The following RANBP10 variants were observed in gnomAD, a reference collection of about 807,000 sequenced individuals.
The protein encoded by RANBP10 is ran-binding protein 10.
RANBP10 carries 24 observed loss-of-function variants against 72.8 expected under a neutral mutation model. The observed-to-expected ratio is 0.33, with a 90% CI of 0.24 to 0.46. The LOEUF is 0.46. RANBP10 is among the 20% of genes least tolerant of loss of function. The pLI, the probability that RANBP10 is intolerant of heterozygous loss-of-function variation, is 1.00. For synonymous variants in RANBP10, 310 were observed against 322.3 expected (o/e 0.96, Z 0.41); for missense variants, 679 against 817.5 (o/e 0.83, Z 2.07).
At position 67,744,280 on chromosome 16, in the gene RANBP10, G is replaced by GCA. The variant is rs1160995766; in HGVS notation, c.568+6_568+7dup. On this transcript the variant is annotated splice_region_variant and intron_variant, in intron 4 of 13. Transcript: ENST00000317506. ...GAGCAGAGCCTCCAAGGTCCCTTAT[G>GCA]CACACACCAAGGCTGTGGCCATTCT... 2 of 1,613,164 alleles carry GCA rather than the reference G, an allele frequency of 1.2e-6. No homozygotes were observed. The highest frequency in any genetic ancestry group is 3.3e-5 in the Admixed American group (2 of 59,984).
chr16:67,771,951 C>T lies in RANBP10; in HGVS notation c.400+83G>A. 1.1e-5 allele frequency: 17 copies of T among 1,510,030 alleles called. 1 individual carries two copies. The South Asian group carries it at 2.1e-4, about 18-fold the overall frequency. The allele number at this position is 1,510,030 out of a possible 1,614,324, so 93.5% of individuals were successfully genotyped here. On this transcript the variant is annotated intron_variant, in intron 3 of 13. Transcript: ENST00000317506. ...AGGCAGCTAGCAAACAAAGTCCTCC[C>T]CAGCCTCTCTGCTACCACCATGACT...
Position 67,723,158 on chromosome 16 carries a change from T to C in RANBP10, c.*3270A>G, listed in dbSNP as rs1218258359. 6.6e-6 allele frequency: 1 copy of C among 152,510 alleles called. No individual in the cohort carries two copies. Among genetic ancestry groups the C allele is most frequent in the Non-Finnish European group, 1.5e-5 (1 of 68,022 alleles). 9.4% of individuals were successfully genotyped at this position (152,510 alleles called of 1,614,324 possible). A position where few individuals can be genotyped will look rare whatever the true frequency, so the allele number is the denominator to read the frequency against. ...TCTCTCAAGTACAATTTTAATAAGA[T>C]GTTTTGTGTTAGAGTTCTCTCTCCA... On this transcript the variant is annotated 3_prime_UTR_variant, in exon 14 of 14. Coordinates refer to ENST00000317506, the MANE Select transcript of RANBP10 (RefSeq NM_020850.3).
At chr16:67,731,638 C>T (rs2053735474) in intron 6 of RANBP10, 54 bp from the exon 7 acceptor site, 24 of 1,369,652 alleles carry the variant, frequency 1.8e-5, no homozygotes, top group Non-Finnish European at 2.4e-5. Context: ...TTCTCACTGA[C>T]TACCCAATGG....
intron 3 of RANBP10, among the ~76,000 whole-genome samples, chr16:67,746,218 G>A (rs9923003): frequency 0.3 from 44,815 of 151,232 alleles, 10,083 homozygotes; most frequent in African/African-American, 0.63. Context: ...ATGGTGGCTC[G>A]CACCTGTAAT....
chr16:67,778,225 T>G (rs1418634582), intron 2 of RANBP10, among the ~76,000 whole-genome samples: 2 of 152,170 alleles, frequency 1.3e-5, no homozygotes, highest in Non-Finnish European at 2.9e-5. Flanking sequence ...GGCGCATGCC[T>G]GTAATCACAG....
At chr16:67,747,049 C>T (rs1477361799) in intron 3 of RANBP10, among the ~76,000 whole-genome samples, 1 of 152,178 alleles carries the variant, frequency 6.6e-6, no homozygotes, top group African/African-American at 2.4e-5. Flanking sequence ...TAAATACTTA[C>T]AAGTGGTATT....
At chr16:67,742,602 A>G (rs2143005422) in intron 4 of RANBP10, among the ~76,000 whole-genome samples, 1 of 152,300 alleles carries the variant, frequency 6.6e-6, no homozygotes, top group East Asian at 1.9e-4. Flanking sequence ...TGACTGACAA[A>G]GAGTTCATGG....
chr16:67,726,360 A>G lies in RANBP10; in HGVS notation c.*68T>C, dbSNP rs1275826030. 1.2e-6 allele frequency: 2 copies of G among 1,601,440 alleles called. No individual in the cohort carries two copies. The highest frequency in any genetic ancestry group is 1.7e-6 in the Non-Finnish European group (2 of 1,174,882). ...TTCCCAGTCCCTGCACCAGTTGCCT[A>G]TGGAGGGCAGGGCAGCTCCAGCCCT... On this transcript the variant is annotated 3_prime_UTR_variant, in exon 14 of 14. Transcript: ENST00000317506.
intron 2 of RANBP10, among the ~76,000 whole-genome samples, chr16:67,775,120 T>A (rs1264967625): frequency 6.6e-6 from 1 of 152,122 alleles, no homozygotes; most frequent in Non-Finnish European, 1.5e-5. Flanking sequence ...GAGACCAGCC[T>A]GGCCAACATG....
chr16:67,741,225 G>A (rs1244698452), intron 4 of RANBP10, among the ~76,000 whole-genome samples: 2 of 152,184 alleles, frequency 1.3e-5, no homozygotes, highest in Non-Finnish European at 2.9e-5. Flanking sequence ...CACAGGGTGA[G>A]GCAACTGCCA....
At chr16:67,782,027 A>T (rs1411890506) in intron 2 of RANBP10, among the ~76,000 whole-genome samples, 1 of 152,218 alleles carries the variant, frequency 6.6e-6, no homozygotes, top group African/African-American at 2.4e-5. Flanking sequence ...CCCTGCAGTC[A>T]TGTGGAGAGC....
At position 67,772,065 on chromosome 16, in the gene RANBP10, C is replaced by A. The variant is rs553584804; in HGVS notation, c.369G>T (p.Ser123=). 3.3e-5 allele frequency: 52 copies of A among 1,599,018 alleles called. No individual in the cohort carries two copies. Among genetic ancestry groups the A allele is most frequent in the Non-Finnish European group, 4.4e-5 (52 of 1,175,722 alleles). ...GRDGYMGIGL[S]AQGVNMNRLP... The stretch of plus-strand genomic sequence containing the variant: ...GTCTGTTCATGTTGACGCCTTGAGC[C>A]GAGAGTCCTATTCCCATGTAACTTC... The change falls in exon 3 of 14, where the codon TCG becomes TCT. Residue 123 remains serine (S), a synonymous_variant. Coordinates refer to ENST00000317506, the MANE Select transcript of RANBP10 (RefSeq NM_020850.3).
At chr16:67,776,895 C>T (rs976066507) in intron 2 of RANBP10, among the ~76,000 whole-genome samples, 3 of 151,940 alleles carry the variant, frequency 2.0e-5, no homozygotes, top group Non-Finnish European at 4.4e-5. Flanking sequence ...GAAAACAATT[C>T]CATTTCCAAT....
chr16:67,784,818 TA>T (rs1174073904), intron 2 of RANBP10, among the ~76,000 whole-genome samples: 269 of 120,316 alleles, frequency 2.2e-3, no homozygotes, highest in Admixed American at 2.9e-3. Flanking sequence ...AAACTCCATC[TA>T]AAAAAAAAAA....
chr16:67,765,468 G>A (rs1010895535), intron 3 of RANBP10, among the ~76,000 whole-genome samples: 6 of 152,020 alleles, frequency 3.9e-5, no homozygotes, highest in Admixed American at 2.0e-4. Context: ...GAAGGTTGCC[G>A]ATGAGCCGAG....
chr16:67,786,695 AG>A (rs2054922933), intron 2 of RANBP10, among the ~76,000 whole-genome samples: 1 of 152,228 alleles, frequency 6.6e-6, no homozygotes, highest in African/African-American at 2.4e-5. Flanking sequence ...TGGGAGGCCG[AG>A]GCGGGCAGAT....
At chr16:67,731,974 G>A (rs906065234) in intron 6 of RANBP10, among the ~76,000 whole-genome samples, 4 of 152,316 alleles carry the variant, frequency 2.6e-5, no homozygotes, top group East Asian at 3.9e-4. Flanking sequence ...ATAGCTTCCC[G>A]AAACTGCAGC....
rs2053576058 is a variant in RANBP10, at chr16:67,725,052, A to G, written c.*1376T>C. 2 of 152,670 alleles carry G rather than the reference A, an allele frequency of 1.3e-5. No individual in the cohort carries two copies. The highest frequency in any genetic ancestry group is 4.8e-5 in the African/African-American group (2 of 41,414). The allele number at this position is 152,670 out of a possible 1,614,324, so 9.5% of individuals were successfully genotyped here. A position where few individuals can be genotyped will look rare whatever the true frequency, so the allele number is the denominator to read the frequency against. ...CAGTCTTTCCTTTCCTGATTCCCCA[A>G]TGGTAGCGGGACCACTTTTACTCTG... On this transcript the variant is annotated 3_prime_UTR_variant, in exon 14 of 14. Transcript: ENST00000317506.
Position 67,729,744 on chromosome 16 carries a change from GCTGTC to G in RANBP10, c.1078_1082del (p.Asp360LeufsTer15). 1 of 1,614,136 alleles carries G rather than the reference GCTGTC, an allele frequency of 6.2e-7. No homozygotes were observed. Among genetic ancestry groups the G allele is most frequent in the Non-Finnish European group, 8.5e-7 (1 of 1,180,032 alleles). Reference sequence around the variant, plus strand: ...GACTGAGGCTGGGGGAGCCAGGGTAGCTGTCCTGGGACTTGGGGCTTCGGGAGCTC... The same window carrying G: ...GACTGAGGCTGGGGGAGCCAGGGTAGCTGGGACTTGGGGCTTCGGGAGCTC... On this transcript the variant is annotated frameshift_variant, in exon 9 of 14. Transcript: ENST00000317506. LOFTEE classifies it high-confidence loss of function. The surrounding 1 kb of genome is among the most constrained non-coding windows in gnomAD (Gnocchi z 7.1).
Sources: allele counts gnomAD v4.1 joint callset (sites outside exome capture counted in the v4.1 genomes callset), GRCh38; gene constraint gnomAD v4.1.1; non-coding constraint Gnocchi (gnomAD v3.1); transcripts MANE v1.5; gene names NCBI Gene and HGNC (gene_info 2026-07-23, HGNC 2026-07-21).